PRKN: variants seen among roughly 807,000 people sequenced by gnomAD.
PRKN encodes E3 ubiquitin-protein ligase parkin.
A neutral mutation model predicts 59.5 loss-of-function variants in PRKN; 56 were observed. That is an observed-to-expected ratio of 0.94 (90% CI 0.76 to 1.18). The LOEUF (loss-of-function observed/expected upper bound fraction) is 1.18, where lower values mean the gene tolerates loss of function less well. PRKN is among the 50% of genes most tolerant of loss of function. The probability of loss-of-function intolerance (pLI) is 0.00; values close to 1 mark genes in which losing one functional copy is unlikely to be tolerated. For synonymous variants in PRKN, 250 were observed against 222.1 expected, an observed-to-expected ratio of 1.13 and a Z score of -1.12; for missense variants, 657 against 596.4, an observed-to-expected ratio of 1.10 and a Z score of -1.06.
rs551792505 is a variant in PRKN, at chr6:161,925,370, G to A, written c.734+47932C>T. On this transcript the variant is annotated intron_variant, in intron 6 of 11. Coordinates refer to ENST00000366898, the MANE Select transcript of PRKN (RefSeq NM_004562.3). ...GCGGATCATGAGGTCAGGAGATGGAGACCATCCTGGCTAACAGGGTGAAAT... is the reference window on the plus strand; with the variant it reads ...GCGGATCATGAGGTCAGGAGATGGAAACCATCCTGGCTAACAGGGTGAAAT... 2.4e-3 allele frequency among the ~76,000 whole-genome samples: 359 copies of A among 152,262 alleles called. 4 individuals are homozygous for A. Among genetic ancestry groups the A allele is most frequent in the African/African-American group, 8.0e-3 (331 of 41,548 alleles).
intron 2 of PRKN, among the ~76,000 whole-genome samples, chr6:162,439,989 G>GA (rs1391610082): frequency 1.3e-5 from 2 of 152,090 alleles, no homozygotes; most frequent in African/African-American, 4.8e-5. Context: ...ATGACTCCAC[G>GA]AGTCAACTGT....
chr6:162,017,558 A>T (rs1782975230), intron 5 of PRKN, among the ~76,000 whole-genome samples: 1 of 151,940 alleles, frequency 6.6e-6, no homozygotes, highest in South Asian at 2.1e-4. Context: ...TTGTAACTAT[A>T]ACTAAATATT....
At chr6:162,224,950 T>C (rs1013202593) in intron 3 of PRKN, among the ~76,000 whole-genome samples, 3 of 152,190 alleles carry the variant, frequency 2.0e-5, no homozygotes, top group African/African-American at 7.2e-5. Context: ...CCTGGTGTTC[T>C]TGGGAGAGAC....
At position 162,308,548 on chromosome 6, in the gene PRKN, G is replaced by A. The variant is rs7769011; in HGVS notation, c.172-45783C>T. On this transcript the variant is annotated intron_variant, in intron 2 of 11. Transcript: ENST00000366898. ...TGATGCAGGCAAATTCATTATTTCT[G>A]CTTCTGTTCTTTCTGTTTTGATATT... Among the ~76,000 whole-genome samples, 1,035 of 152,252 alleles carry A rather than the reference G, an allele frequency of 6.8e-3. 22 individuals are homozygous for A. The highest frequency in any genetic ancestry group is 0.024 in the African/African-American group (986 of 41,550).
At chr6:162,441,832 T>C (rs933334255) in intron 2 of PRKN, among the ~76,000 whole-genome samples, 5 of 152,208 alleles carry the variant, frequency 3.3e-5, no homozygotes, top group African/African-American at 1.2e-4. Context: ...TAACTACATA[T>C]GAAATCGCTA....
chr6:162,566,883 A>C (rs954477590), intron 1 of PRKN, among the ~76,000 whole-genome samples: 29 of 152,184 alleles, frequency 1.9e-4, no homozygotes, highest in South Asian at 2.1e-4. Flanking sequence ...AATCCTCAAC[A>C]AAATACTAGC....
chr6:161,921,070 C>T (rs747820010), intron 6 of PRKN, among the ~76,000 whole-genome samples: 14 of 152,180 alleles, frequency 9.2e-5, no homozygotes, highest in Non-Finnish European at 5.9e-5. Context: ...TTAGCTTAAA[C>T]CACAAACACA....
intron 10 of PRKN, among the ~76,000 whole-genome samples, chr6:161,384,939 T>G (rs950228990): frequency 9.2e-5 from 14 of 152,326 alleles, no homozygotes; most frequent in Middle Eastern, 3.4e-3. Context: ...TTTCTTTTTT[T>G]GAGGGGGTGG....
intron 2 of PRKN, among the ~76,000 whole-genome samples, chr6:162,264,358 G>A (rs1280826857): frequency 6.6e-6 from 1 of 152,064 alleles, no homozygotes; most frequent in Non-Finnish European, 1.5e-5. Flanking sequence ...TTTTAGGAAT[G>A]CTCCAAGAAC....
chr6:162,633,234 G>T (rs1777580867), intron 1 of PRKN, among the ~76,000 whole-genome samples: 1 of 151,680 alleles, frequency 6.6e-6, no homozygotes, highest in South Asian at 2.1e-4. Flanking sequence ...AGGAGTTCGA[G>T]ACCAGCCTGG....
rs576837824 is a variant in PRKN, at chr6:162,283,400, T to C, written c.172-20635A>G. Among the ~76,000 whole-genome samples the C allele has an allele frequency of 5.7e-4, 87 of 152,252 alleles. 1 individual carries two copies. In the South Asian group the frequency reaches 0.012, roughly 21 times the overall value. On this transcript the variant is annotated intron_variant, in intron 2 of 11. Transcript: ENST00000366898. ...TGTGTGTGTTTGTATGTATGCATGGTTTTATGTCTTTAGAATTCTTTGTGA... is the reference window on the plus strand; with the variant it reads ...TGTGTGTGTTTGTATGTATGCATGGCTTTATGTCTTTAGAATTCTTTGTGA...
chr6:162,001,847 CTTT>C (rs35789599), intron 5 of PRKN, among the ~76,000 whole-genome samples: 58 of 116,604 alleles, frequency 5.0e-4, no homozygotes, highest in Non-Finnish European at 6.0e-4. Flanking sequence ...TTGCAAATAG[CTTT>C]TTTTTTTTTT....
intron 1 of PRKN, among the ~76,000 whole-genome samples, chr6:162,600,463 C>T (rs980730200): frequency 6.6e-6 from 1 of 152,170 alleles, no homozygotes; most frequent in African/African-American, 2.4e-5. Context: ...TGTGGACATA[C>T]ACACTTACAT....
chr6:162,446,926 A>T (rs1212418351), intron 1 of PRKN, among the ~76,000 whole-genome samples: 3 of 152,206 alleles, frequency 2.0e-5, no homozygotes, highest in African/African-American at 7.2e-5. Context: ...CAGAAGGCAG[A>T]ACGTCTTTAG....
At chr6:161,997,793 T>C (rs7773818) in intron 5 of PRKN, among the ~76,000 whole-genome samples, 12,003 of 152,222 alleles carry the variant, frequency 0.079, 542 homozygotes, top group Middle Eastern at 0.11. Context: ...GTTATCAATA[T>C]TTTTTAGCTG....
At chr6:162,638,855 C>T (rs1013794108) in intron 1 of PRKN, among the ~76,000 whole-genome samples, 10 of 151,338 alleles carry the variant, frequency 6.6e-5, no homozygotes, top group African/African-American at 2.4e-4. Context: ...AGCGATTCTC[C>T]TGCCTCGGCC....
chr6:162,507,443 A>G (rs1273857418), intron 1 of PRKN, among the ~76,000 whole-genome samples: 1 of 152,148 alleles, frequency 6.6e-6, no homozygotes, highest in African/African-American at 2.4e-5. Flanking sequence ...TTATATATAT[A>G]TACGCATATT....
chr6:161,406,102 A>G (rs1787259146), intron 9 of PRKN, among the ~76,000 whole-genome samples: 1 of 151,934 alleles, frequency 6.6e-6, no homozygotes, highest in African/African-American at 2.4e-5. Flanking sequence ...TCCTTTATAC[A>G]TACGTATATA....
At chr6:162,132,360 C>T (rs1478410359) in intron 4 of PRKN, among the ~76,000 whole-genome samples, 1 of 152,100 alleles carries the variant, frequency 6.6e-6, no homozygotes, top group Non-Finnish European at 1.5e-5. Context: ...GCCAGAGCTT[C>T]ACCTCGACCA....
Sources: allele counts gnomAD v4.1 joint callset (sites outside exome capture counted in the v4.1 genomes callset), GRCh38; gene constraint gnomAD v4.1.1; transcripts MANE v1.5; gene names NCBI Gene and HGNC (gene_info 2026-07-23, HGNC 2026-07-21).